The following THSD7B variants were observed in gnomAD, a reference collection of about 807,000 sequenced individuals.
The protein encoded by THSD7B is thrombospondin type 1 domain containing 7B.
Under a neutral mutation model 213.6 loss-of-function variants are expected in THSD7B, and 138 were observed. That is an observed-to-expected ratio of 0.65 (90% CI 0.56 to 0.74). The LOEUF (loss-of-function observed/expected upper bound fraction) is 0.74, where lower values mean the gene tolerates loss of function less well. THSD7B is among the 30% of genes least tolerant of loss of function. The probability of loss-of-function intolerance (pLI) is 0.00; values close to 1 mark genes in which losing one functional copy is unlikely to be tolerated. For missense variants in THSD7B, 1,931 were observed against 1,991.5 expected (o/e 0.97, Z 0.58); for synonymous variants, 742 against 687.0 (o/e 1.08, Z -1.25).
At chr2:137,674,021 T>C (rs1015262078) in intron 27 of THSD7B, among the ~76,000 whole-genome samples, 4 of 152,180 alleles carry the variant, frequency 2.6e-5, no homozygotes, top group African/African-American at 9.6e-5. Flanking sequence ...TGGTAAGTGG[T>C]ATAAACATAT....
At chr2:137,248,989 G>C (rs902412056) in intron 10 of THSD7B, among the ~76,000 whole-genome samples, 1 of 152,138 alleles carries the variant, frequency 6.6e-6, no homozygotes, top group Non-Finnish European at 1.5e-5. Flanking sequence ...GTGCTGCTGG[G>C]TGTAACTTGC....
At chr2:136,990,998 A>G in intron 2 of THSD7B, 1 of 1,229,292 alleles carries the variant, frequency 8.1e-7, no homozygotes. Flanking sequence ...CTCTGCTGGC[A>G]CAGGTGAATA....
chr2:137,013,668 C>T (rs1007134142), intron 2 of THSD7B, among the ~76,000 whole-genome samples: 9 of 152,132 alleles, frequency 5.9e-5, no homozygotes, highest in African/African-American at 2.2e-4. Context: ...ACAGAATTCC[C>T]TTTTGGGGTG....
intron 17 of THSD7B, among the ~76,000 whole-genome samples, chr2:137,599,214 C>A (rs1682028434): frequency 6.6e-6 from 1 of 151,564 alleles, no homozygotes; most frequent in African/African-American, 2.4e-5. Context: ...GATATGAACT[C>A]ATCATTTTTT....
intron 15 of THSD7B, among the ~76,000 whole-genome samples, chr2:137,494,339 T>TA (rs985386015): frequency 3.9e-5 from 6 of 152,058 alleles, no homozygotes; most frequent in Admixed American, 1.3e-4. Flanking sequence ...CTATATCAAC[T>TA]AAAAAAAATT....
At chr2:137,166,322 T>C (rs1680128053) in intron 6 of THSD7B, among the ~76,000 whole-genome samples, 1 of 152,170 alleles carries the variant, frequency 6.6e-6, no homozygotes, top group Non-Finnish European at 1.5e-5. Context: ...TATAAGAGAA[T>C]TAGCCTGAAA....
At chr2:137,483,267 A>G (rs1413171121) in intron 15 of THSD7B, among the ~76,000 whole-genome samples, 1 of 152,220 alleles carries the variant, frequency 6.6e-6, no homozygotes, top group East Asian at 1.9e-4. Flanking sequence ...TACTACTATC[A>G]TGCCTTTTTT....
chr2:136,968,930 A>C (rs1021018534), intron 2 of THSD7B, among the ~76,000 whole-genome samples: 2 of 152,162 alleles, frequency 1.3e-5, no homozygotes, highest in Non-Finnish European at 2.9e-5. Context: ...GTACACAGTA[A>C]AAATTATATA....
At chr2:137,350,974 T>G (rs1004943540) in intron 12 of THSD7B, among the ~76,000 whole-genome samples, 3 of 151,790 alleles carry the variant, frequency 2.0e-5, no homozygotes, top group Non-Finnish European at 4.4e-5. Context: ...ATATGTCAAG[T>G]TTGAAGAGCC....
At position 136,852,304 on chromosome 2, in the gene THSD7B, CAAACAAAACA is replaced by C. The variant is rs70975718; in HGVS notation, c.-35-29803_-35-29794del. Among the ~76,000 whole-genome samples, 1,234 of 148,748 alleles carry C rather than the reference CAAACAAAACA, an allele frequency of 8.3e-3. 6 individuals are homozygous for C. Among genetic ancestry groups the C allele is most frequent in the Middle Eastern group, 0.027 (8 of 294 alleles). On this transcript the variant is annotated intron_variant, in intron 1 of 27. Coordinates refer to ENST00000409968, the MANE Select transcript of THSD7B (RefSeq NM_001316349.2). ...AAGGCAGTCCTGGGCTGAAAGCTGGCAAACAAAACAAAACAAAACAAAACAAAACAAAACA... is the reference window on the plus strand; with the variant it reads ...AAGGCAGTCCTGGGCTGAAAGCTGGCAAACAAAACAAAACAAAACAAAACA...
rs527394158 is a variant in THSD7B at position 136,791,702 on chromosome 2, G to A, written c.-36+26015G>A. On this transcript the variant is annotated intron_variant, in intron 1 of 27. Transcript: ENST00000409968. ...CTTGGCATGTTTTCAAGGTACATCTGTGTTCATGAATATGTACCAGTATTT... is the reference window on the plus strand; with the variant it reads ...CTTGGCATGTTTTCAAGGTACATCTATGTTCATGAATATGTACCAGTATTT... 7.9e-5 allele frequency among the ~76,000 whole-genome samples: 12 copies of A among 152,178 alleles called. No homozygotes were observed. The East Asian group carries it at 1.4e-3, about 17-fold the overall frequency.
rs778838970 is a variant in THSD7B at position 137,642,489 on chromosome 2, T to C, written c.3801T>C (p.Gly1267=). The C allele has an allele frequency of 6.2e-7, 1 of 1,613,590 alleles. No individual in the cohort carries two copies. Among genetic ancestry groups the C allele is most frequent in the East Asian group, 2.2e-5 (1 of 44,850 alleles). ...TECSQTCGHG[G]RMSRTRFIIM... Reference sequence around the variant, plus strand: ...CTGACACCTCCCTTATCATTTTAGGTCGAATGAGCCGGACTCGATTTATCA... The same window carrying C: ...CTGACACCTCCCTTATCATTTTAGGCCGAATGAGCCGGACTCGATTTATCA... The change falls in exon 21 of 28, where the codon GGT becomes GGC. Residue 1267 remains glycine, a splice_region_variant and synonymous_variant. Coordinates refer to ENST00000409968, the MANE Select transcript of THSD7B (RefSeq NM_001316349.2).
intron 20 of THSD7B, among the ~76,000 whole-genome samples, chr2:137,641,905 A>G (rs1305076469): frequency 2.0e-5 from 3 of 152,210 alleles, no homozygotes; most frequent in South Asian, 4.1e-4. Context: ...TGAATTAATT[A>G]AAAGACACTA....
chr2:137,538,523 A>G (rs757335143), intron 15 of THSD7B: 1 of 513,628 alleles, frequency 1.9e-6, no homozygotes, highest in Non-Finnish European at 3.9e-6. Context: ...TTTGATCTTT[A>G]TTGTTTTTAT....
At chr2:136,778,595 T>C (rs1318374537) in intron 1 of THSD7B, among the ~76,000 whole-genome samples, 1 of 152,224 alleles carries the variant, frequency 6.6e-6, no homozygotes, top group Non-Finnish European at 1.5e-5. Context: ...TGATGCATCT[T>C]TTAAAAACTC....
chr2:137,592,405 TA>T (rs144350358), intron 17 of THSD7B, among the ~76,000 whole-genome samples: 40,113 of 151,036 alleles, frequency 0.27, 5,814 homozygotes, highest in African/African-American at 0.38. Context: ...CTTTTTCTAT[TA>T]GAACATTTTT....
At chr2:137,035,082 T>A (rs532066321) in intron 2 of THSD7B, among the ~76,000 whole-genome samples, 1 of 152,342 alleles carries the variant, frequency 6.6e-6, no homozygotes, top group East Asian at 1.9e-4. Context: ...CTAGGAAGAA[T>A]GAGCTCCAGA....
intron 2 of THSD7B, among the ~76,000 whole-genome samples, chr2:137,022,128 G>A (rs957016628): frequency 8.5e-5 from 13 of 152,128 alleles, no homozygotes; most frequent in Admixed American, 7.9e-4. Flanking sequence ...TTGGGGCTAC[G>A]ATGAATAAAA....
chr2:137,081,159 C>T (rs891794781), intron 3 of THSD7B, among the ~76,000 whole-genome samples: 1 of 152,006 alleles, frequency 6.6e-6, no homozygotes, highest in Non-Finnish European at 1.5e-5. Flanking sequence ...AATCGTTTTA[C>T]TAGTATATGT....
Sources: allele counts gnomAD v4.1 joint callset (sites outside exome capture counted in the v4.1 genomes callset), GRCh38; gene constraint gnomAD v4.1.1; transcripts MANE v1.5; gene names NCBI Gene and HGNC (gene_info 2026-07-23, HGNC 2026-07-21).